Variants in WRAP73 observed in about 807,000 individuals in gnomAD.
WRAP73 encodes WD repeat containing, antisense to TP73.
WRAP73 carries 55 observed loss-of-function variants against 59.6 expected under a neutral mutation model. That is an observed-to-expected ratio of 0.92 (90% CI 0.74 to 1.15). WRAP73 has a LOEUF of 1.15. Among genes scored for constraint, WRAP73 ranks in the 50% most tolerant of loss-of-function variants. The probability of loss-of-function intolerance (pLI) is 0.00; values close to 1 mark genes in which losing one functional copy is unlikely to be tolerated. For missense variants in WRAP73, 592 were observed against 608.1 expected (o/e 0.97, Z 0.28); for synonymous variants, 265 against 258.2 (o/e 1.03, Z -0.25).
chr1:3,635,123 C>G, intron 7 of WRAP73, 37 bp downstream of exon 7: 4 of 1,614,134 alleles, frequency 2.5e-6, no homozygotes, highest in Non-Finnish European at 3.4e-6. Context: ...GCCCGCTGGG[C>G]GGTCGGACTT....
chr1:3,635,434 A>C, intron 6 of WRAP73, 140 bp from the exon 7 acceptor site: 2 of 1,130,190 alleles, frequency 1.8e-6, no homozygotes, highest in Non-Finnish European at 2.5e-6. Context: ...GAAAAGCTGG[A>C]ACTGCCAGCT....
At chr1:3,635,851 T>C in intron 6 of WRAP73, 93 bp downstream of exon 6, 1 of 1,120,058 alleles carries the variant, frequency 8.9e-7, no homozygotes, top group South Asian at 1.3e-5. Context: ...TTATCTGAAA[T>C]AAGATAAAGC....
Position 3,634,497 on chromosome 1 carries a change from A to G in WRAP73, c.816+500T>C, listed in dbSNP as rs527251991. On this transcript the variant is annotated intron_variant, in intron 8 of 11. Transcript: ENST00000270708. ...TCCCCGAGTCCCTGATCACTGGTGC[A>G]GCATCTGTGCCTGCGATCCCTCGCT... 14 of 184,802 alleles carry G rather than the reference A, an allele frequency of 7.6e-5. 1 individual carries two copies. The South Asian group carries it at 1.4e-3, about 19-fold the overall frequency. 11.4% of individuals were successfully genotyped at this position (184,802 alleles called of 1,614,324 possible).
chr1:3,645,484 C>G (rs547438567), intron 3 of WRAP73, among the ~76,000 whole-genome samples: 22 of 147,926 alleles, frequency 1.5e-4, no homozygotes, highest in Admixed American at 1.5e-3. Flanking sequence ...CGGGTTGCCC[C>G]GTGGTGTGCG....
At chr1:3,643,134 G>A (rs796925697) in intron 3 of WRAP73, among the ~76,000 whole-genome samples, 2 of 152,234 alleles carry the variant, frequency 1.3e-5, no homozygotes, top group Non-Finnish European at 1.5e-5. Context: ...CGTTCCTCAC[G>A]AGGAAGGGAA....
At chr1:3,634,390 G>A (rs907215109) in intron 8 of WRAP73, 3 of 158,564 alleles carry the variant, frequency 1.9e-5, no homozygotes, top group South Asian at 1.8e-4. Flanking sequence ...GGCTCCCAGC[G>A]CAGTGCCCGC....
In WRAP73 at chr1:3,638,766, C is replaced by T. The variant is rs150656258; in HGVS notation, c.396G>A (p.Pro132=). ...CTKSVSYIKY[P]KACLQGITFT... is the part of the protein sequence containing the mutation. ...TCGACTCACCCTGCAGACAAGCTTT[C>T]GGGTATTTGATGTAAGACACGGATT... Residue 132 remains proline (P), a synonymous_variant, in exon 4 of 12, where the codon CCG becomes CCA. Coordinates refer to ENST00000270708, the MANE Select transcript of WRAP73 (RefSeq NM_017818.4). 3.8e-5 allele frequency: 61 copies of T among 1,613,956 alleles called. No individual in the cohort carries two copies. The highest frequency in any genetic ancestry group is 8.0e-5 in the African/African-American group (6 of 74,892).
intron 4 of WRAP73, among the ~76,000 whole-genome samples, chr1:3,638,202 G>A (rs1570300627): frequency 6.6e-6 from 1 of 152,262 alleles, no homozygotes; most frequent in East Asian, 1.9e-4. Flanking sequence ...CACTAGCTCT[G>A]CGCGGTCCAG....
At chr1:3,645,419 C>T (rs868462879) in intron 3 of WRAP73, among the ~76,000 whole-genome samples, 20 of 139,618 alleles carry the variant, frequency 1.4e-4, no homozygotes, top group Admixed American at 4.9e-4. Flanking sequence ...GTGGTGTGCG[C>T]GGCGCAGCGG....
At chr1:3,643,680 A>G (rs1377250776) in intron 3 of WRAP73, among the ~76,000 whole-genome samples, 215 of 15,298 alleles carry the variant, frequency 0.014, 13 homozygotes, top group African/African-American at 0.058. Context: ...AGCCCCGGAC[A>G]TGGGGTCGCG....
At chr1:3,648,367 T>C (rs565569674) in intron 1 of WRAP73, among the ~76,000 whole-genome samples, 63 of 152,322 alleles carry the variant, frequency 4.1e-4, no homozygotes, top group African/African-American at 1.4e-3. Flanking sequence ...AAGGTCAAAG[T>C]AGTTTGTGTT....
chr1:3,649,779 C>G lies in WRAP73; in HGVS notation c.69+152G>C, dbSNP rs1036577804. 1.6e-5 allele frequency: 12 copies of G among 753,372 alleles called. No individual in the cohort carries two copies. The African/African-American group carries it at 2.1e-4, about 13-fold the overall frequency. The allele number at this position is 753,372 out of a possible 1,614,324, so 46.7% of individuals were successfully genotyped here. A position where few individuals can be genotyped will look rare whatever the true frequency, so the allele number is the denominator to read the frequency against. The stretch of plus-strand genomic sequence containing the variant: ...GCACTTGCTCAGACACTGCACCTGC[C>G]CCGGGTACCTGCCCGGGCCCCGCAC... On this transcript the variant is annotated intron_variant, in intron 1 of 11. Coordinates refer to ENST00000270708, the MANE Select transcript of WRAP73 (RefSeq NM_017818.4).
intron 9 of WRAP73, 88 bp downstream of exon 9, chr1:3,633,310 A>T (rs913124821): frequency 2.6e-5 from 33 of 1,270,918 alleles, no homozygotes; most frequent in Non-Finnish European, 3.2e-5. Context: ...TTTTTTTTTT[A>T]AACATAAGGA....
At chr1:3,649,071 C>T (rs895026889) in intron 1 of WRAP73, among the ~76,000 whole-genome samples, 4 of 152,206 alleles carry the variant, frequency 2.6e-5, no homozygotes, top group Admixed American at 2.0e-4. Context: ...CCACTTTTTA[C>T]GAGGCATGTT....
In WRAP73 at chr1:3,646,005, T is replaced by C. The variant is rs1301160600; in HGVS notation, c.339+661A>G. The stretch of plus-strand genomic sequence containing the variant: ...TCTAAATTAAGATTTTTAAAATGTT[T>C]TTTCTTCAAAACTGGACAAAAGATC... On this transcript the variant is annotated intron_variant, in intron 3 of 11. Transcript: ENST00000270708. The surrounding 1 kb of genome is among the most constrained non-coding windows in gnomAD (Gnocchi z 5.1). Among the ~76,000 whole-genome samples, 1 of 152,252 alleles carries C rather than the reference T, an allele frequency of 6.6e-6. No individual in the cohort carries two copies. The highest frequency in any genetic ancestry group is 2.4e-5 in the African/African-American group (1 of 41,472).
chr1:3,649,904 C>T, intron 1 of WRAP73, 27 bp downstream of exon 1: 11 of 1,584,486 alleles, frequency 6.9e-6, no homozygotes, highest in Non-Finnish European at 8.6e-6. Flanking sequence ...GGATGTCCTG[C>T]CCGTGGCCCA....
At chr1:3,643,350 G>T (rs1644664131) in intron 3 of WRAP73, among the ~76,000 whole-genome samples, 1 of 152,254 alleles carries the variant, frequency 6.6e-6, no homozygotes, top group African/African-American at 2.4e-5. Flanking sequence ...CCCTCAGGTG[G>T]GGAGGGCATT....
chr1:3,645,760 T>A (rs1644685473), intron 3 of WRAP73, among the ~76,000 whole-genome samples: 1 of 152,224 alleles, frequency 6.6e-6, no homozygotes, highest in African/African-American at 2.4e-5. Flanking sequence ...CAGTCTCCTA[T>A]CCCAGATCCC....
At chr1:3,649,008 G>A (rs1042498495) in intron 1 of WRAP73, among the ~76,000 whole-genome samples, 74 of 152,316 alleles carry the variant, frequency 4.9e-4, no homozygotes, top group African/African-American at 1.6e-3. Flanking sequence ...ACCTGAAAAA[G>A]CATCATGATA....
Sources: gnomAD v4.1 joint callset for allele counts (sites outside exome capture counted in the v4.1 genomes callset) on GRCh38, gnomAD v4.1.1 for gene constraint, Gnocchi (gnomAD v3.1) non-coding constraint, MANE v1.5 for transcripts, NCBI Gene and HGNC (gene_info 2026-07-23, HGNC 2026-07-21) for gene names.